Variants in CPVL observed in about 807,000 individuals in gnomAD.
CPVL encodes probable serine carboxypeptidase CPVL.
Under a neutral mutation model 63.7 loss-of-function variants are expected in CPVL, and 51 were observed. That is an observed-to-expected ratio of 0.80 (90% CI 0.64 to 1.01). The LOEUF (loss-of-function observed/expected upper bound fraction) is 1.01. Among genes scored for constraint, CPVL ranks in the 50% least tolerant of loss-of-function variants. CPVL has a pLI of 0.00. For synonymous variants in CPVL, 195 were observed against 206.0 expected, an observed-to-expected ratio of 0.95 and a Z score of 0.46; for missense variants, 530 against 573.1, an observed-to-expected ratio of 0.92 and a Z score of 0.77.
At chr7:29,076,142 G>T (rs1784224288) in intron 7 of CPVL, among the ~76,000 whole-genome samples, 1 of 152,222 alleles carries the variant, frequency 6.6e-6, no homozygotes, top group Non-Finnish European at 1.5e-5. Flanking sequence ...TTCAGGAGAA[G>T]AATTTAGGTG....
intron 1 of CPVL, among the ~76,000 whole-genome samples, chr7:29,186,820 G>A (rs912941891): frequency 6.6e-6 from 1 of 152,036 alleles, no homozygotes; most frequent in Non-Finnish European, 1.5e-5. Context: ...TCAGCCAAAG[G>A]TGGGTTCAAA....
intron 12 of CPVL, among the ~76,000 whole-genome samples, chr7:29,021,911 C>T (rs1227325117): frequency 2.6e-5 from 4 of 152,158 alleles, no homozygotes; most frequent in East Asian, 1.9e-4. Flanking sequence ...CATCACGATA[C>T]TGGCTGGAGC....
intron 1 of CPVL, chr7:29,127,876 C>T (rs1164079632): frequency 2.6e-5 from 4 of 152,262 alleles, no homozygotes; most frequent in East Asian, 3.9e-4. Context: ...CACAACTGTC[C>T]CTAAACACAC....
intron 6 of CPVL, 57 bp from the exon 7 acceptor site, chr7:29,086,607 C>T: frequency 7.9e-7 from 1 of 1,266,656 alleles, no homozygotes; most frequent in Non-Finnish European, 1.2e-6. Context: ...TTCAGGATCT[C>T]TTCATGCTAG....
rs150695292 is a variant in CPVL at position 28,997,567 on chromosome 7, C to T, written c.1321-1685G>A. The stretch of plus-strand genomic sequence containing the variant: ...GTGCACTGAACAACTACAGGGAGCA[C>T]CATTCACATGAGCATTGAGATGACT... On this transcript the variant is annotated intron_variant, in intron 12 of 12. Coordinates refer to ENST00000265394, the MANE Select transcript of CPVL (RefSeq NM_031311.5). Among the ~76,000 whole-genome samples the T allele has an allele frequency of 1.4e-3, 220 of 152,278 alleles. 1 individual carries two copies. The highest frequency in any genetic ancestry group is 4.8e-3 in the African/African-American group (201 of 41,572).
At chr7:29,091,337 A>C (rs1861116) in intron 6 of CPVL, among the ~76,000 whole-genome samples, 11,490 of 145,072 alleles carry the variant, frequency 0.079, 573 homozygotes, top group East Asian at 0.22. Context: ...TCAATACAGA[A>C]CCTCTGCCCT....
At chr7:29,039,955 A>T (rs1788910815) in intron 11 of CPVL, among the ~76,000 whole-genome samples, 1 of 152,130 alleles carries the variant, frequency 6.6e-6, no homozygotes, top group African/African-American at 2.4e-5. Context: ...AATCTCTAAC[A>T]TTCTGTGGTT....
At chr7:29,163,355 ATAT>A (rs1277527268) in intron 5 of CPVL, among the ~76,000 whole-genome samples, 18 of 152,220 alleles carry the variant, frequency 1.2e-4, no homozygotes, top group African/African-American at 4.1e-4. Context: ...TAAGTAAAAT[ATAT>A]TATTAAAATT....
chr7:29,102,206 T>G (rs1238131411), intron 3 of CPVL, among the ~76,000 whole-genome samples: 1 of 152,168 alleles, frequency 6.6e-6, no homozygotes, highest in Non-Finnish European at 1.5e-5. Context: ...GTCCTCTGAT[T>G]GAAAATATGG....
At chr7:29,040,913 C>CT (rs1322319008) in intron 11 of CPVL, among the ~76,000 whole-genome samples, 1 of 152,076 alleles carries the variant, frequency 6.6e-6, no homozygotes, top group Non-Finnish European at 1.5e-5. Context: ...ATGCAATGAT[C>CT]TTTGGAAAAA....
At chr7:29,017,974 A>C (rs868072963) in intron 12 of CPVL, among the ~76,000 whole-genome samples, 1 of 152,248 alleles carries the variant, frequency 6.6e-6, no homozygotes, top group East Asian at 1.9e-4. Flanking sequence ...TGAGACCTAA[A>C]ATTCATTCCA....
intron 12 of CPVL, 94 bp downstream of exon 12, chr7:29,030,483 C>T (rs1464075108): frequency 8.9e-6 from 11 of 1,237,560 alleles, no homozygotes; most frequent in Non-Finnish European, 1.1e-5. Flanking sequence ...TATGGCTTTG[C>T]TTAAGGTCGG....
intron 6 of CPVL, among the ~76,000 whole-genome samples, chr7:29,091,594 T>C (rs1424588085): frequency 6.6e-6 from 1 of 152,090 alleles, no homozygotes; most frequent in African/African-American, 2.4e-5. Flanking sequence ...AGGACCCCAC[T>C]GTATGTGGAA....
chr7:29,077,084 T>C (rs920907517), intron 7 of CPVL, among the ~76,000 whole-genome samples: 6 of 152,240 alleles, frequency 3.9e-5, no homozygotes, highest in African/African-American at 1.4e-4. Flanking sequence ...ATTCACAGCC[T>C]ACTTACTGTA....
intron 5 of CPVL, among the ~76,000 whole-genome samples, chr7:29,152,962 C>A (rs1164237065): frequency 6.6e-6 from 1 of 152,220 alleles, no homozygotes; most frequent in African/African-American, 2.4e-5. Context: ...TTGGAGTCAT[C>A]CTCTATCTGA....
At chr7:29,101,868 A>G (rs1787176477) in intron 3 of CPVL, among the ~76,000 whole-genome samples, 1 of 152,198 alleles carries the variant, frequency 6.6e-6, no homozygotes, top group South Asian at 2.1e-4. Context: ...TTCCAAAAAT[A>G]GAACCAGGCT....
intron 12 of CPVL, chr7:28,996,164 G>A (rs1784036413): frequency 3.5e-6 from 1 of 288,552 alleles, no homozygotes; most frequent in Non-Finnish European, 6.4e-6. Context: ...TTTTCCTCTA[G>A]AGAGTGATCT....
intron 6 of CPVL, among the ~76,000 whole-genome samples, chr7:29,087,294 C>G (rs770091599): frequency 6.6e-6 from 1 of 151,538 alleles, no homozygotes; most frequent in Non-Finnish European, 1.5e-5. Context: ...CATGGTGGTG[C>G]GCGCCTGTAG....
chr7:29,087,980 C>T (rs564406085), intron 6 of CPVL, among the ~76,000 whole-genome samples: 1 of 152,274 alleles, frequency 6.6e-6, no homozygotes, highest in South Asian at 2.1e-4. Flanking sequence ...TAAAAATAGG[C>T]ATTCATTCTC....
Sources: gnomAD v4.1 joint callset for allele counts (sites outside exome capture counted in the v4.1 genomes callset) on GRCh38, gnomAD v4.1.1 for gene constraint, MANE v1.5 for transcripts, NCBI Gene and HGNC (gene_info 2026-07-23, HGNC 2026-07-21) for gene names.